Variants in NSFL1C observed in about 807,000 individuals in gnomAD.
NSFL1C encodes the protein NSFL1 cofactor p47.
In NSFL1C, 14 loss-of-function variants were observed where a neutral mutation model predicts 43.1. The observed-to-expected ratio is 0.32, with a 90% CI of 0.21 to 0.51. NSFL1C has a LOEUF of 0.51. NSFL1C is among the 20% of genes least tolerant of loss of function. NSFL1C has a pLI of 0.98. For missense variants in NSFL1C, 406 were observed against 472.5 expected (o/e 0.86, Z 1.30); for synonymous variants, 171 against 183.5 (o/e 0.93, Z 0.55).
At chr20:1,446,960 A>C (rs2090072359) in intron 7 of NSFL1C, among the ~76,000 whole-genome samples, 1 of 152,250 alleles carries the variant, frequency 6.6e-6, no homozygotes, top group South Asian at 2.1e-4. Context: ...AAGGTGTAGG[A>C]AAGGCCACAT....
chr20:1,443,769 T>C lies in NSFL1C; in HGVS notation c.1093A>G (p.Ile365Val), dbSNP rs775003609. The C allele has an allele frequency of 6.2e-7, 1 of 1,614,192 alleles. No individual in the cohort carries two copies. The highest frequency in any genetic ancestry group is 8.5e-7 in the Non-Finnish European group (1 of 1,180,028). ...GGCGGTTATGTTAACCGCTGCACGA[T>C]GACAGCATTGAGCAGGTTGGCTTCC... ...LKEANLLNAV[I>V]VQRLT Residue 365 changes from isoleucine to valine, a missense_variant, in exon 9 of 9, where the codon ATC becomes GTC. By Grantham distance (29) the Ile-to-Val change is conservative. This residue lies in a region of NSFL1C where 196 missense variants were observed against 228.0 expected (regional missense o/e 0.86). Transcript: ENST00000216879.
rs2090266562 is a variant in NSFL1C, at chr20:1,455,017, C to T, written c.394G>A (p.Val132Ile). The T allele has an allele frequency of 1.2e-6, 2 of 1,614,162 alleles. No homozygotes were observed. Among genetic ancestry groups the T allele is most frequent in the African/African-American group, 1.3e-5 (1 of 75,052 alleles). ...CTCTTGGTCACTCGCTCCACAGCTA[C>T]AGCTCCATGCTCTTTGGCACCTTTA... ...LFKGAKEHGAVAVERVTKSPG... is the reference protein window; with the variant it reads ...LFKGAKEHGAIAVERVTKSPG... Residue 132 changes from valine (V) to isoleucine (I), a missense_variant, in exon 4 of 9, where the codon GTA becomes ATA. Val to Ile is a conservative substitution (Grantham distance 29). Transcript: ENST00000216879.
rs150549584 is a variant in NSFL1C at position 1,442,229 on chromosome 20, T to C, written c.*1520A>G. 6.6e-6 allele frequency: 1 copy of C among 152,334 alleles called. No individual in the cohort carries two copies. Among genetic ancestry groups the C allele is most frequent in the Non-Finnish European group, 1.5e-5 (1 of 68,036 alleles). The allele number at this position is 152,334 out of a possible 1,614,324, so 9.4% of individuals were successfully genotyped here. On this transcript the variant is annotated 3_prime_UTR_variant, in exon 9 of 9. Coordinates refer to ENST00000216879, the MANE Select transcript of NSFL1C (RefSeq NM_016143.5). ...AGTGTACAGTTTTTCCAGACCCATA[T>C]GTAGGTTCCATAATCTCCACCTGCT... is the stretch of plus-strand genomic sequence containing the variant.
intron 1 of NSFL1C, 75 bp from the exon 2 acceptor site, chr20:1,464,501 GAATAC>G: frequency 8.1e-6 from 10 of 1,237,056 alleles, no homozygotes; most frequent in Non-Finnish European, 1.1e-5. Flanking sequence ...GAGCACAAAG[GAATAC>G]AGACATGGCC....
intron 2 of NSFL1C, among the ~76,000 whole-genome samples, chr20:1,461,917 A>G (rs2090419017): frequency 6.6e-6 from 1 of 152,206 alleles, no homozygotes; most frequent in Non-Finnish European, 1.5e-5. Flanking sequence ...ACTGTCTCCT[A>G]TAGCAATGGT....
chr20:1,459,177 C>G (rs1351525613), intron 2 of NSFL1C, among the ~76,000 whole-genome samples: 2 of 152,138 alleles, frequency 1.3e-5, no homozygotes, highest in Non-Finnish European at 2.9e-5. Flanking sequence ...GTGTCCCCAC[C>G]CAAATCTCAT....
chr20:1,455,209 C>T (rs2090272881), intron 3 of NSFL1C, 77 bp from the exon 4 acceptor site: 2 of 1,496,296 alleles, frequency 1.3e-6, no homozygotes, highest in Admixed American at 3.3e-5. Context: ...TGGTGCTGGG[C>T]ACACTGAGGC....
intron 7 of NSFL1C, among the ~76,000 whole-genome samples, chr20:1,446,707 T>C (rs1384282013): frequency 6.6e-6 from 1 of 150,498 alleles, no homozygotes; most frequent in African/African-American, 2.4e-5. Context: ...TCTCCACAAC[T>C]GTATGGAGCC....
intron 2 of NSFL1C, among the ~76,000 whole-genome samples, chr20:1,463,662 G>A (rs79740876): frequency 0.037 from 5,625 of 152,206 alleles, 230 homozygotes; most frequent in East Asian, 0.17. Context: ...GCAATAAGGC[G>A]AAAGCAGAGA....
chr20:1,458,340 C>G, intron 2 of NSFL1C, 66 bp from the exon 3 acceptor site: 1 of 1,367,262 alleles, frequency 7.3e-7, no homozygotes, highest in Non-Finnish European at 1.0e-6. Context: ...TCATCACCAG[C>G]TGCTAAGGAG....
Position 1,464,347 on chromosome 20 carries a change from G to C in NSFL1C, c.185C>G (p.Ser62Cys), listed in dbSNP as rs763644707. The C allele has an allele frequency of 1.2e-6, 2 of 1,614,208 alleles. No homozygotes were observed. Among genetic ancestry groups the C allele is most frequent in the Admixed American group, 3.3e-5 (2 of 60,032 alleles). ...CCCTTACCTGGGGGCTGTGCCTCTG[G>C]ACACTGAACTGGGGGTTGCCTGCGA... ...TISQATPSSVSRGTAPSDNRV... is the reference protein window; with the variant it reads ...TISQATPSSVCRGTAPSDNRV... Residue 62 changes from serine to cysteine, a missense_variant, in exon 2 of 9, where the codon TCC becomes TGC. Physicochemically the swap from Ser to Cys is moderately radical, Grantham distance 112 (BLOSUM62 -1). This residue lies in a region of NSFL1C where 203 missense variants were observed against 216.3 expected (regional missense o/e 0.94). Transcript: ENST00000216879.
In NSFL1C at chr20:1,466,814, T is replaced by C; in HGVS notation, c.11A>G (p.Glu4Gly). The C allele has an allele frequency of 6.5e-7, 1 of 1,542,404 alleles. No individual in the cohort carries two copies. The change falls in exon 1 of 9, where the codon GAG (glutamate) becomes GGG (glycine). Residue 4 changes from glutamate to glycine, a missense_variant. By Grantham distance (98) the Glu-to-Gly change is moderately conservative. Coordinates refer to ENST00000216879, the MANE Select transcript of NSFL1C (RefSeq NM_016143.5). ...GAACTCCCTCAGCGCCTCCTGTCGCTCCGCCGCCATCTTCGCCCCGTGCGC... is the reference window on the plus strand; with the variant it reads ...GAACTCCCTCAGCGCCTCCTGTCGCCCCGCCGCCATCTTCGCCCCGTGCGC... The part of the protein sequence containing the change: MAA[E>G]RQEALREFVA...
chr20:1,465,632 A>G (rs1377760824), intron 1 of NSFL1C, among the ~76,000 whole-genome samples: 1 of 152,214 alleles, frequency 6.6e-6, no homozygotes, highest in Non-Finnish European at 1.5e-5. Context: ...CCCGCTACTT[A>G]CTGGCTATGT....
chr20:1,448,386 T>C (rs762228738), intron 7 of NSFL1C, among the ~76,000 whole-genome samples: 1 of 152,248 alleles, frequency 6.6e-6, no homozygotes, highest in Non-Finnish European at 1.5e-5. Flanking sequence ...GGAGCTGTTC[T>C]GTTGTGAGGA....
intron 8 of NSFL1C, 93 bp downstream of exon 8, chr20:1,445,573 T>A: frequency 7.0e-7 from 1 of 1,421,670 alleles, no homozygotes; most frequent in South Asian, 1.3e-5. Context: ...CCTGCTGGTA[T>A]TTAGGAGGAA....
At chr20:1,460,955 C>T (rs944345306) in intron 2 of NSFL1C, among the ~76,000 whole-genome samples, 2 of 152,140 alleles carry the variant, frequency 1.3e-5, no homozygotes, top group Non-Finnish European at 2.9e-5. Context: ...AGGGAGGTAG[C>T]ATGTGGCAGC....
chr20:1,452,941 A>T, intron 6 of NSFL1C, 90 bp downstream of exon 6: 1 of 800,794 alleles, frequency 1.2e-6, no homozygotes, highest in Non-Finnish European at 2.2e-6. Context: ...CAAACAATTT[A>T]CTCCTCAAAT....
chr20:1,452,951 T>C, intron 6 of NSFL1C, 80 bp downstream of exon 6: 1 of 835,376 alleles, frequency 1.2e-6, no homozygotes, highest in Non-Finnish European at 2.1e-6. Context: ...ACTCCTCAAA[T>C]AATAAACATT....
intron 6 of NSFL1C, 118 bp from the exon 7 acceptor site, chr20:1,452,748 G>C: frequency 7.8e-7 from 1 of 1,285,834 alleles, no homozygotes; most frequent in Non-Finnish European, 1.1e-6. Context: ...CCTCCAAAGG[G>C]AGCAGGCTAC....
Sources: allele counts gnomAD v4.1 joint callset (sites outside exome capture counted in the v4.1 genomes callset), GRCh38; gene constraint gnomAD v4.1.1; regional missense constraint gnomAD v4.1.1; transcripts MANE v1.5; gene names NCBI Gene and HGNC (gene_info 2026-07-23, HGNC 2026-07-21).